Variants in DPYD observed in about 807,000 individuals in gnomAD.
DPYD encodes the protein dihydropyrimidine dehydrogenase [NADP(+)].
In DPYD, 109 loss-of-function variants were observed where a neutral mutation model predicts 116.2. That is an observed-to-expected ratio of 0.94 (90% CI 0.80 to 1.10). The LOEUF (loss-of-function observed/expected upper bound fraction) is 1.10, where lower values mean the gene tolerates loss of function less well. DPYD is among the 50% of genes least tolerant of loss of function. DPYD has a pLI of 0.00. For synonymous variants in DPYD, 440 were observed against 432.0 expected, an observed-to-expected ratio of 1.02 and a Z score of -0.23; for missense variants, 1,302 against 1,254.5, an observed-to-expected ratio of 1.04 and a Z score of -0.57.
chr1:97,501,183 TG>T (rs1679555485), intron 13 of DPYD, among the ~76,000 whole-genome samples: 1 of 152,068 alleles, frequency 6.6e-6, no homozygotes, highest in African/African-American at 2.4e-5. Context: ...GTCCAATTAC[TG>T]AACTGTTTAT....
chr1:97,594,858 T>G (rs1000678608), intron 9 of DPYD, among the ~76,000 whole-genome samples: 2 of 152,248 alleles, frequency 1.3e-5, no homozygotes, highest in African/African-American at 2.4e-5. Flanking sequence ...CTTACGATGA[T>G]ACTTTATTGG....
At chr1:97,491,395 T>C (rs1678967767) in intron 13 of DPYD, among the ~76,000 whole-genome samples, 1 of 151,846 alleles carries the variant, frequency 6.6e-6, no homozygotes, top group African/African-American at 2.4e-5. Context: ...AGGGGGCAGA[T>C]AGGAGTGGCT....
chr1:97,422,785 G>C (rs565927034), intron 14 of DPYD, among the ~76,000 whole-genome samples: 27 of 152,192 alleles, frequency 1.8e-4, no homozygotes, highest in African/African-American at 6.3e-4. Flanking sequence ...AAACATTCAA[G>C]GAACATTAAC....
chr1:97,102,704 T>G (rs1247823372), intron 20 of DPYD, among the ~76,000 whole-genome samples: 1 of 151,914 alleles, frequency 6.6e-6, no homozygotes, highest in Non-Finnish European at 1.5e-5. Context: ...GGAACTGTCC[T>G]GTGCTACACT....
chr1:97,199,775 T>C (rs1327786077), intron 19 of DPYD, among the ~76,000 whole-genome samples: 5 of 152,166 alleles, frequency 3.3e-5, no homozygotes, highest in African/African-American at 1.2e-4. Context: ...AAAAGGAGGA[T>C]GATAACATCT....
chr1:97,244,098 G>A (rs747260623), intron 18 of DPYD, among the ~76,000 whole-genome samples: 43 of 151,848 alleles, frequency 2.8e-4, no homozygotes, highest in African/African-American at 1.0e-3. Context: ...GCATTTACTA[G>A]GCATAATTAG....
chr1:97,187,642 G>C (rs1224801877), intron 20 of DPYD, among the ~76,000 whole-genome samples: 1 of 151,802 alleles, frequency 6.6e-6, no homozygotes, highest in East Asian at 1.9e-4. Context: ...AATTATTTTT[G>C]CCTAGACTCA....
intron 20 of DPYD, among the ~76,000 whole-genome samples, chr1:97,144,651 G>C (rs1654476853): frequency 6.6e-6 from 1 of 152,082 alleles, no homozygotes; most frequent in South Asian, 2.1e-4. Flanking sequence ...AATTTTTCTT[G>C]GGATTGTTAT....
At position 97,515,911 on chromosome 1, in the gene DPYD, G is replaced by C; in HGVS notation, c.1555C>G (p.Pro519Ala). The change falls in exon 13 of 23, where the codon CCT becomes GCT. Residue 519 changes from proline (P) to alanine (A), a missense_variant. Physicochemically the swap from Pro to Ala is conservative, Grantham distance 27. Coordinates refer to ENST00000370192, the MANE Select transcript of DPYD (RefSeq NM_000110.4). ...GGAGTGTAAAAGAGGGGTAGTTCAG[G>C]CTTGGCAGAAACGGAAGCTCCATAT... ...SQYGASVSAK[P>A]ELPLFYTPID... 1 of 1,612,728 alleles carries C rather than the reference G, an allele frequency of 6.2e-7. No homozygotes were observed. Among genetic ancestry groups the C allele is most frequent in the Non-Finnish European group, 8.5e-7 (1 of 1,179,144 alleles).
intron 14 of DPYD, among the ~76,000 whole-genome samples, chr1:97,396,617 T>C (rs1673018803): frequency 6.6e-6 from 1 of 152,050 alleles, no homozygotes; most frequent in South Asian, 2.1e-4. Context: ...CATTACTGCA[T>C]GTTAAGGGCT....
chr1:97,869,662 T>C (rs1447849619), intron 2 of DPYD, among the ~76,000 whole-genome samples: 1 of 151,710 alleles, frequency 6.6e-6, no homozygotes, highest in East Asian at 1.9e-4. Flanking sequence ...CCAAGATGGA[T>C]TTGCACAAAC....
chr1:97,396,307 T>C (rs1673003488), intron 14 of DPYD, among the ~76,000 whole-genome samples: 1 of 150,978 alleles, frequency 6.6e-6, no homozygotes, highest in African/African-American at 2.4e-5. Flanking sequence ...CAAAGCTTGA[T>C]CTGTTTGACT....
At chr1:97,866,887 A>G (rs577770242) in intron 2 of DPYD, among the ~76,000 whole-genome samples, 1 of 151,900 alleles carries the variant, frequency 6.6e-6, no homozygotes, top group Non-Finnish European at 1.5e-5. Context: ...TGAAAAATCA[A>G]GGAAGCCAGA....
chr1:97,516,066 G>T, intron 12 of DPYD, 125 bp from the exon 13 acceptor site: 1 of 1,009,712 alleles, frequency 9.9e-7, no homozygotes, highest in South Asian at 1.4e-5. Context: ...TGTTTACAAT[G>T]AAAAAAACTG....
At chr1:97,511,598 A>T (rs970708267) in intron 13 of DPYD, among the ~76,000 whole-genome samples, 2 of 151,988 alleles carry the variant, frequency 1.3e-5, no homozygotes, top group African/African-American at 4.8e-5. Context: ...AGAACTATAT[A>T]TAAAACATGG....
At chr1:97,824,883 C>G (rs142434898) in intron 3 of DPYD, among the ~76,000 whole-genome samples, 2 of 152,300 alleles carry the variant, frequency 1.3e-5, no homozygotes, top group East Asian at 1.9e-4. Context: ...TTGGCTACAA[C>G]AAGTATCAAA....
At chr1:97,534,091 A>G (rs2102033102) in intron 12 of DPYD, among the ~76,000 whole-genome samples, 1 of 152,260 alleles carries the variant, frequency 6.6e-6, no homozygotes, top group African/African-American at 2.4e-5. Context: ...CCATTGTTTC[A>G]ATTGTATTTA....
intron 8 of DPYD, among the ~76,000 whole-genome samples, chr1:97,643,123 A>G (rs1053095267): frequency 6.6e-5 from 10 of 152,164 alleles, no homozygotes; most frequent in African/African-American, 2.4e-4. Context: ...GCACAGCAAA[A>G]GAAACTATCA....
At chr1:97,313,831 T>C (rs1332577070) in intron 16 of DPYD, among the ~76,000 whole-genome samples, 1 of 151,980 alleles carries the variant, frequency 6.6e-6, no homozygotes, top group Non-Finnish European at 1.5e-5. Flanking sequence ...CTCTGTTCCA[T>C]AATCAATTTC....
Sources: gnomAD v4.1 joint callset for allele counts (sites outside exome capture counted in the v4.1 genomes callset) on GRCh38, gnomAD v4.1.1 for gene constraint, MANE v1.5 for transcripts, NCBI Gene and HGNC (gene_info 2026-07-23, HGNC 2026-07-21) for gene names.